The following HECTD2 variants were observed in gnomAD, a reference collection of about 807,000 sequenced individuals.
HECTD2 encodes HECT domain E3 ubiquitin protein ligase 2, also known as probable E3 ubiquitin-protein ligase HECTD2.
A neutral mutation model predicts 103.2 loss-of-function variants in HECTD2; 35 were observed. The ratio of observed to expected loss-of-function variants is 0.34; its 90% confidence interval spans 0.26 to 0.45. HECTD2 has a LOEUF of 0.45. Among genes scored for constraint, HECTD2 ranks in the 20% least tolerant of loss-of-function variants. HECTD2 has a pLI of 1.00. For missense variants in HECTD2, 596 were observed against 937.4 expected, an observed-to-expected ratio of 0.64 and a Z score of 4.76; for synonymous variants, 281 against 329.9, an observed-to-expected ratio of 0.85 and a Z score of 1.61.
intron 1 of HECTD2, among the ~76,000 whole-genome samples, chr10:91,423,814 CA>C (rs1188078399): frequency 2.0e-5 from 3 of 152,082 alleles, no homozygotes; most frequent in Non-Finnish European, 4.4e-5. Context: ...CACTGTATGA[CA>C]AGCTCTGTGA....
chr10:91,511,711 G>A lies in HECTD2; in HGVS notation c.2211-553G>A, dbSNP rs571580314. 1.6e-4 allele frequency among the ~76,000 whole-genome samples: 25 copies of A among 152,176 alleles called. No individual in the cohort carries two copies. The South Asian group carries it at 1.7e-3, about 10-fold the overall frequency. ...GTTCCTATGAGAATCTAATACTGCC[G>A]CTTATGTGACAGGAGGCAGAGCTCA... On this transcript the variant is annotated intron_variant, in intron 20 of 20. Coordinates refer to ENST00000298068, the MANE Select transcript of HECTD2 (RefSeq NM_182765.6).
chr10:91,412,003 T>A (rs1386367831), intron 1 of HECTD2, among the ~76,000 whole-genome samples: 5 of 136,630 alleles, frequency 3.7e-5, no homozygotes, highest in Non-Finnish European at 7.4e-5. Context: ...AACCTATTCA[T>A]CTCATAACTG....
chr10:91,469,807 T>C (rs1845659789), intron 5 of HECTD2, among the ~76,000 whole-genome samples: 1 of 152,166 alleles, frequency 6.6e-6, no homozygotes, highest in South Asian at 2.1e-4. Flanking sequence ...GACCAAACTA[T>C]ATGCTGTCTT....
chr10:91,443,531 G>T (rs1430101998), intron 2 of HECTD2, among the ~76,000 whole-genome samples: 1 of 152,084 alleles, frequency 6.6e-6, no homozygotes, highest in Non-Finnish European at 1.5e-5. Context: ...CTGCTGGGAG[G>T]TATCTCCCAG....
chr10:91,427,094 T>TG (rs1404034800), intron 2 of HECTD2, among the ~76,000 whole-genome samples: 1 of 146,736 alleles, frequency 6.8e-6, no homozygotes, highest in Non-Finnish European at 1.5e-5. Flanking sequence ...AGTGAGAACA[T>TG]GCGGTGTTTG....
At chr10:91,509,152 A>G (rs939594730) in intron 20 of HECTD2, among the ~76,000 whole-genome samples, 1 of 149,462 alleles carries the variant, frequency 6.7e-6, no homozygotes, top group African/African-American at 2.5e-5. Flanking sequence ...GAGGGATAGC[A>G]CTGGGAGATA....
rs574632591 is a variant in HECTD2 at position 91,467,885 on chromosome 10, C to T, written c.600+5701C>T. ...ACACGGACACTAGCAACTAGCCCCC[C>T]CACCATGCTGACACCACTGTTGGTG... On this transcript the variant is annotated intron_variant, in intron 5 of 20. Transcript: ENST00000298068. Among the ~76,000 whole-genome samples, 3 of 151,832 alleles carry T rather than the reference C, an allele frequency of 2.0e-5. No homozygotes were observed. In the East Asian group the frequency reaches 5.9e-4, roughly 30 times the overall value.
intron 5 of HECTD2, among the ~76,000 whole-genome samples, chr10:91,477,707 T>A (rs1175904221): frequency 6.6e-6 from 1 of 152,248 alleles, no homozygotes; most frequent in East Asian, 1.9e-4. Context: ...TTTTACTGAT[T>A]ATTTGAAGTT....
intron 2 of HECTD2, among the ~76,000 whole-genome samples, chr10:91,426,611 C>T (rs929595569): frequency 6.6e-6 from 1 of 151,614 alleles, no homozygotes; most frequent in African/African-American, 2.4e-5. Flanking sequence ...TCCGTCACGC[C>T]AATATTGCCC....
At chr10:91,415,192 A>ATG (rs1843071457) in intron 1 of HECTD2, among the ~76,000 whole-genome samples, 1 of 104,094 alleles carries the variant, frequency 9.6e-6, no homozygotes, top group Non-Finnish European at 1.8e-5. Flanking sequence ...AAATTAGAGA[A>ATG]AGTGTGTGTG....
intron 5 of HECTD2, among the ~76,000 whole-genome samples, chr10:91,477,042 G>T (rs894557356): frequency 6.6e-6 from 1 of 152,100 alleles, no homozygotes; most frequent in Non-Finnish European, 1.5e-5. Context: ...TTAGCCGGGC[G>T]CGGTGGCGGG....
chr10:91,511,267 T>C (rs1363428657), intron 20 of HECTD2, among the ~76,000 whole-genome samples: 1 of 152,150 alleles, frequency 6.6e-6, no homozygotes, highest in African/African-American at 2.4e-5. Context: ...TCCTAAATGA[T>C]GATAACAACA....
intron 10 of HECTD2, chr10:91,485,843 C>T (rs931133820): frequency 6.6e-6 from 1 of 151,970 alleles, no homozygotes; most frequent in Non-Finnish European, 1.5e-5. Flanking sequence ...ATTCATTTCT[C>T]ATTTCTTTTG....
intron 14 of HECTD2, among the ~76,000 whole-genome samples, chr10:91,494,490 G>T (rs1589541362): frequency 1.3e-5 from 2 of 152,090 alleles, no homozygotes; most frequent in Admixed American, 1.3e-4. Flanking sequence ...TGAATGAAGA[G>T]CCATCTTTGA....
intron 20 of HECTD2, among the ~76,000 whole-genome samples, chr10:91,503,827 CACAG>C (rs1430169184): frequency 6.6e-6 from 1 of 152,178 alleles, no homozygotes; most frequent in African/African-American, 2.4e-5. Context: ...GGGGGCAGGG[CACAG>C]ACAAACAAAA....
At chr10:91,505,032 A>C (rs1293556798) in intron 20 of HECTD2, among the ~76,000 whole-genome samples, 1 of 152,192 alleles carries the variant, frequency 6.6e-6, no homozygotes, top group East Asian at 1.9e-4. Context: ...AAGCTTCATA[A>C]GTGAAGAAGA....
chr10:91,500,673 G>T, intron 19 of HECTD2, 56 bp downstream of exon 19: 1 of 837,544 alleles, frequency 1.2e-6, no homozygotes. Context: ...AGCAGACAGT[G>T]TGGTTCATTT....
chr10:91,458,992 A>T (rs1407090097), intron 2 of HECTD2, among the ~76,000 whole-genome samples: 1 of 152,004 alleles, frequency 6.6e-6, no homozygotes, highest in African/African-American at 2.4e-5. Context: ...ACAAGGGACT[A>T]TTATCTAAAC....
intron 11 of HECTD2, chr10:91,489,828 A>T (rs975278817): frequency 2.6e-5 from 4 of 152,208 alleles, no homozygotes; most frequent in African/African-American, 9.6e-5. Context: ...GTAGCCTTAA[A>T]TTGTAGATTT....
Sources: allele counts gnomAD v4.1 joint callset (sites outside exome capture counted in the v4.1 genomes callset), GRCh38; gene constraint gnomAD v4.1.1; transcripts MANE v1.5; gene names NCBI Gene and HGNC (gene_info 2026-07-23, HGNC 2026-07-21).